The following PCCA variants were observed in gnomAD, a reference collection of about 807,000 sequenced individuals.
PCCA encodes the protein propionyl-CoA carboxylase alpha chain, mitochondrial.
PCCA carries 74 observed loss-of-function variants against 101.3 expected under a neutral mutation model. That is an observed-to-expected ratio of 0.73 (90% CI 0.61 to 0.89). The LOEUF (loss-of-function observed/expected upper bound fraction) is 0.89, where lower values mean the gene tolerates loss of function less well. Ranked by LOEUF, PCCA falls within the 40% of genes least tolerant of loss-of-function variation. The pLI is 0.00. For missense variants in PCCA, 891 were observed against 907.0 expected (o/e 0.98, Z 0.23); for synonymous variants, 294 against 313.6 (o/e 0.94, Z 0.66).
chr13:100,301,482 G>T lies in PCCA; in HGVS notation c.1088G>T (p.Cys363Phe). The T allele has an allele frequency of 6.2e-7, 1 of 1,614,098 alleles. No homozygotes were observed. Among genetic ancestry groups the T allele is most frequent in the Non-Finnish European group, 8.5e-7 (1 of 1,179,960 alleles). The change falls in exon 13 of 24, where the codon TGC becomes TTC. Residue 363 changes from cysteine to phenylalanine, a missense_variant. Transcript: ENST00000376285. The part of the protein sequence containing the change: ...RLQVEHPVTE[C>F]ITGLDLVQEM... ...CAGGTTGAGCATCCTGTCACAGAAT[G>T]CATTACTGGCCTGGACCTAGTCCAG... is the stretch of plus-strand genomic sequence containing the variant.
chr13:100,301,402 T>A, intron 12 of PCCA, 58 bp from the exon 13 acceptor site: 1 of 1,594,590 alleles, frequency 6.3e-7, no homozygotes, highest in East Asian at 2.2e-5. Flanking sequence ...TTTTCTTGTT[T>A]GTTTCTATTT....
At position 100,300,772 on chromosome 13, in the gene PCCA, T is replaced by C. The variant is rs183561080; in HGVS notation, c.1066-688T>C. ...GTCAGCACATGTTTTTGTACATACA[T>C]ATCTCATGTGTTAGTGCAGAAGGCC... is the stretch of plus-strand genomic sequence containing the variant. On this transcript the variant is annotated intron_variant, in intron 12 of 23. Transcript: ENST00000376285. Among the ~76,000 whole-genome samples, 13 of 152,356 alleles carry C rather than the reference T, an allele frequency of 8.5e-5. No homozygotes were observed. In the East Asian group the frequency reaches 1.5e-3, roughly 18 times the overall value.
At chr13:100,377,422 G>A (rs920352060) in intron 19 of PCCA, among the ~76,000 whole-genome samples, 4 of 152,004 alleles carry the variant, frequency 2.6e-5, no homozygotes, top group Non-Finnish European at 4.4e-5. Context: ...TAAGGGTGAA[G>A]TGTGTTTCTT....
chr13:100,355,646 G>A (rs1240874141), intron 18 of PCCA, among the ~76,000 whole-genome samples: 1 of 152,118 alleles, frequency 6.6e-6, no homozygotes, highest in Non-Finnish European at 1.5e-5. Context: ...ATAAAATGTT[G>A]TTGAAATAAA....
intron 19 of PCCA, among the ~76,000 whole-genome samples, chr13:100,370,045 G>A (rs1330014613): frequency 5.4e-5 from 7 of 130,352 alleles, no homozygotes; most frequent in Non-Finnish European, 8.3e-5. Context: ...AAAGAAAACT[G>A]TCTAGATTAC....
In PCCA at chr13:100,332,058, C is replaced by T. The variant is rs910731789; in HGVS notation, c.1540+1387C>T. Among the ~76,000 whole-genome samples the T allele has an allele frequency of 3.3e-5, 5 of 151,120 alleles. No individual in the cohort carries two copies. The South Asian group carries it at 6.2e-4, about 19-fold the overall frequency. On this transcript the variant is annotated intron_variant, in intron 17 of 23. Coordinates refer to ENST00000376285, the MANE Select transcript of PCCA (RefSeq NM_000282.4). ...GTTTCAAGCGATTCTCCTGCCGCAG[C>T]GTCCCAAGTAGTTGGGATTACAGGC...
intron 15 of PCCA, among the ~76,000 whole-genome samples, chr13:100,309,295 G>C (rs7992830): frequency 0.017 from 2,610 of 152,308 alleles, 94 homozygotes; most frequent in African/African-American, 0.059. Flanking sequence ...TTCTCGAGAG[G>C]CTGAGGCGAG....
intron 21 of PCCA, among the ~76,000 whole-genome samples, chr13:100,506,873 A>G (rs984129223): frequency 1.3e-5 from 2 of 152,208 alleles, no homozygotes; most frequent in African/African-American, 4.8e-5. Flanking sequence ...CATTTCCTTT[A>G]CTTTTCTGTA....
chr13:100,122,155 A>G (rs2049467283), intron 4 of PCCA, among the ~76,000 whole-genome samples: 2 of 152,266 alleles, frequency 1.3e-5, no homozygotes, highest in South Asian at 4.2e-4. Flanking sequence ...TGTTACATTA[A>G]TTGATTTTTT....
intron 7 of PCCA, among the ~76,000 whole-genome samples, chr13:100,231,200 C>T (rs1453170905): frequency 6.6e-6 from 1 of 152,146 alleles, no homozygotes; most frequent in Non-Finnish European, 1.5e-5. Context: ...TTGTCTTTTC[C>T]ACCAGCCTGT....
intron 4 of PCCA, among the ~76,000 whole-genome samples, chr13:100,139,846 G>A (rs1377798636): frequency 6.6e-6 from 1 of 150,890 alleles, no homozygotes; most frequent in African/African-American, 2.4e-5. Flanking sequence ...TTTTTAGGAT[G>A]TTAATATTTT....
At chr13:100,505,792 A>G (rs2086022149) in intron 21 of PCCA, among the ~76,000 whole-genome samples, 1 of 152,086 alleles carries the variant, frequency 6.6e-6, no homozygotes, top group Non-Finnish European at 1.5e-5. Context: ...ACTTGTGCCC[A>G]GGAGGTCGAG....
rs772945583 is a variant in PCCA, at chr13:100,515,456, C to T, written c.1929C>T (p.Ala643=). The part of the protein sequence containing the change: ...VYKVNILTRL[A]AELNKFMLEK... ...AGGTGAATATCTTAACCAGACTTGC[C>T]GCAGAATTGAACAAATTTATGCTGG... Residue 643 remains alanine, a synonymous_variant, in exon 22 of 24, where the codon GCC becomes GCT. Coordinates refer to ENST00000376285, the MANE Select transcript of PCCA (RefSeq NM_000282.4). The T allele has an allele frequency of 2.7e-5, 43 of 1,613,830 alleles. No individual in the cohort carries two copies. The South Asian group carries it at 3.0e-4, about 11-fold the overall frequency.
intron 12 of PCCA, among the ~76,000 whole-genome samples, chr13:100,297,698 C>T (rs948453072): frequency 2.0e-5 from 3 of 152,100 alleles, no homozygotes; most frequent in Admixed American, 1.3e-4. Flanking sequence ...TACCATCTAG[C>T]GTAGGTGTAT....
At chr13:100,298,303 G>T (rs2065716607) in intron 12 of PCCA, among the ~76,000 whole-genome samples, 1 of 152,112 alleles carries the variant, frequency 6.6e-6, no homozygotes, top group South Asian at 2.1e-4. Context: ...GCTGCGCAAG[G>T]CCCTTCTCTA....
intron 16 of PCCA, among the ~76,000 whole-genome samples, chr13:100,329,177 T>C (rs1232584193): frequency 1.3e-5 from 2 of 152,150 alleles, no homozygotes. Context: ...TGTACATTTC[T>C]CGCTTTGTTT....
chr13:100,241,677 T>G (rs929310501), intron 8 of PCCA, among the ~76,000 whole-genome samples: 2 of 152,112 alleles, frequency 1.3e-5, no homozygotes, highest in Non-Finnish European at 2.9e-5. Context: ...GTTGCCTCAG[T>G]TGATCTTGAA....
At chr13:100,327,274 T>C (rs1034953161) in intron 16 of PCCA, among the ~76,000 whole-genome samples, 3 of 152,196 alleles carry the variant, frequency 2.0e-5, no homozygotes, top group Admixed American at 6.5e-5. Flanking sequence ...TCTGTCACTG[T>C]AGGCTCGTTT....
At chr13:100,237,533 A>G (rs1476765949) in intron 8 of PCCA, 2 of 152,234 alleles carry the variant, frequency 1.3e-5, no homozygotes, top group African/African-American at 4.8e-5. Flanking sequence ...AAAAATCAAA[A>G]GTTTCTGTTC....
Sources: gnomAD v4.1 joint callset for allele counts (sites outside exome capture counted in the v4.1 genomes callset) on GRCh38, gnomAD v4.1.1 for gene constraint, MANE v1.5 for transcripts, NCBI Gene and HGNC (gene_info 2026-07-23, HGNC 2026-07-21) for gene names.